The following TPD52 variants were observed in gnomAD, a reference collection of about 807,000 sequenced individuals.
TPD52 encodes the protein prostate and colon associated protein.
In TPD52, 17 loss-of-function variants were observed where a neutral mutation model predicts 31.3. That is an observed-to-expected ratio of 0.54 (90% CI 0.37 to 0.82). The LOEUF is 0.82. Among genes scored for constraint, TPD52 ranks in the 40% least tolerant of loss-of-function variants. The pLI is 0.00. For missense variants in TPD52, 212 were observed against 240.1 expected, an observed-to-expected ratio of 0.88 and a Z score of 0.77; for synonymous variants, 83 against 89.6, an observed-to-expected ratio of 0.93 and a Z score of 0.42.
chr8:80,092,529 T>C (rs1047640549), intron 1 of TPD52, among the ~76,000 whole-genome samples: 2 of 152,186 alleles, frequency 1.3e-5, no homozygotes, highest in Non-Finnish European at 2.9e-5. Flanking sequence ...CAACCTATAT[T>C]CATTAATAGT....
chr8:80,117,379 A>C (rs1807936560), intron 1 of TPD52, among the ~76,000 whole-genome samples: 1 of 152,258 alleles, frequency 6.6e-6, no homozygotes, highest in Non-Finnish European at 1.5e-5. Context: ...AAATTAAGAC[A>C]AAATTGTATT....
chr8:80,037,320 C>T lies in TPD52; in HGVS notation c.*796G>A, dbSNP rs1343137427. On this transcript the variant is annotated 3_prime_UTR_variant, in exon 8 of 8. Transcript: ENST00000518937. Reference sequence around the variant, plus strand: ...ATGACAGTGTTCATAGTTCAACCTACTGAACATACAGTGTGCTTGATTCAG... The same window carrying T: ...ATGACAGTGTTCATAGTTCAACCTATTGAACATACAGTGTGCTTGATTCAG... 1.3e-5 allele frequency: 2 copies of T among 152,302 alleles called. No homozygotes were observed. Among genetic ancestry groups the T allele is most frequent in the Non-Finnish European group, 2.9e-5 (2 of 68,014 alleles). The allele number at this position is 152,302 out of a possible 1,614,324, so 9.4% of individuals were successfully genotyped here. A position where few individuals can be genotyped will look rare whatever the true frequency, so the allele number is the denominator to read the frequency against.
intron 1 of TPD52, among the ~76,000 whole-genome samples, chr8:80,124,112 C>T (rs774452120): frequency 3.3e-5 from 5 of 151,192 alleles, no homozygotes; most frequent in Non-Finnish European, 7.4e-5. Context: ...TTAGGCAATA[C>T]TAGAGAGGGA....
chr8:80,070,210 C>T (rs1226027164), intron 1 of TPD52, among the ~76,000 whole-genome samples: 1 of 151,962 alleles, frequency 6.6e-6, no homozygotes, highest in African/African-American at 2.4e-5. Context: ...CCCCAACCCC[C>T]CTTTGGAGCA....
intron 1 of TPD52, among the ~76,000 whole-genome samples, chr8:80,112,344 C>T (rs2130985724): frequency 6.6e-6 from 1 of 152,246 alleles, no homozygotes; most frequent in East Asian, 1.9e-4. Flanking sequence ...GTATCTTGCT[C>T]GAGACCACCC....
intron 1 of TPD52, among the ~76,000 whole-genome samples, chr8:80,154,731 ACACACACACACACACACAC>A (rs1810815426): frequency 6.7e-5 from 10 of 149,684 alleles, no homozygotes; most frequent in African/African-American, 2.2e-4. Context: ...ACACACACAC[ACACACACACACACACACAC>A]ACAAAACACC....
At chr8:80,048,406 C>T (rs1047151578) in intron 5 of TPD52, among the ~76,000 whole-genome samples, 2 of 152,158 alleles carry the variant, frequency 1.3e-5, no homozygotes, top group Non-Finnish European at 2.9e-5. Context: ...GTAAAATCAC[C>T]GGCATAAGTT....
At chr8:80,157,035 T>C (rs895101193) in intron 1 of TPD52, among the ~76,000 whole-genome samples, 3 of 152,150 alleles carry the variant, frequency 2.0e-5, no homozygotes, top group African/African-American at 7.2e-5. Flanking sequence ...ATACCAAGTC[T>C]AACCAGTGAT....
chr8:80,083,459 G>A (rs1367268461), intron 1 of TPD52, among the ~76,000 whole-genome samples: 2 of 152,084 alleles, frequency 1.3e-5, no homozygotes, highest in African/African-American at 4.8e-5. Context: ...TCATGGGGGC[G>A]GTTCCCCCAT....
At chr8:80,165,952 T>A (rs1811683617) in intron 1 of TPD52, among the ~76,000 whole-genome samples, 1 of 152,162 alleles carries the variant, frequency 6.6e-6, no homozygotes, top group Non-Finnish European at 1.5e-5. Context: ...AGGGAACAAG[T>A]TAAATATTGT....
intron 1 of TPD52, among the ~76,000 whole-genome samples, chr8:80,103,683 A>T (rs1254050104): frequency 2.0e-5 from 3 of 152,204 alleles, no homozygotes; most frequent in African/African-American, 7.2e-5. Flanking sequence ...AGATACGTGC[A>T]TTCTAACACT....
intron 6 of TPD52, 135 bp from the exon 7 acceptor site, chr8:80,042,803 G>GTACC: frequency 2.9e-6 from 2 of 688,756 alleles, no homozygotes; most frequent in Non-Finnish European, 4.7e-6. Flanking sequence ...TACCATATAT[G>GTACC]TGCAGGTACA....
intron 1 of TPD52, chr8:80,171,003 G>T (rs549918771): frequency 2.4e-6 from 1 of 416,834 alleles, no homozygotes; most frequent in Admixed American, 3.6e-5. Context: ...ATTTATGAGG[G>T]AGAGAGGGGT....
chr8:80,167,959 G>C (rs752298816), intron 1 of TPD52, among the ~76,000 whole-genome samples: 1 of 152,220 alleles, frequency 6.6e-6, no homozygotes, highest in African/African-American at 2.4e-5. Flanking sequence ...ATAAAAGGTA[G>C]TCAGGAGGGT....
At chr8:80,051,046 AG>A (rs1175577950) in intron 4 of TPD52, among the ~76,000 whole-genome samples, 1 of 152,092 alleles carries the variant, frequency 6.6e-6, no homozygotes, top group Non-Finnish European at 1.5e-5. Flanking sequence ...TTTTGGCCTA[AG>A]CATGAACATA....
At chr8:80,166,369 A>G (rs912472934) in intron 1 of TPD52, among the ~76,000 whole-genome samples, 1 of 151,786 alleles carries the variant, frequency 6.6e-6, no homozygotes, top group Admixed American at 6.5e-5. Flanking sequence ...AGTAGCTGGG[A>G]TTACAGGCAT....
chr8:80,165,368 G>A (rs939706745), intron 1 of TPD52, among the ~76,000 whole-genome samples: 2 of 152,148 alleles, frequency 1.3e-5, no homozygotes, highest in African/African-American at 4.8e-5. Flanking sequence ...GCATTTTTAT[G>A]GAATGACTTG....
intron 1 of TPD52, among the ~76,000 whole-genome samples, chr8:80,117,265 A>T (rs892613244): frequency 6.6e-6 from 1 of 152,306 alleles, no homozygotes; most frequent in African/African-American, 2.4e-5. Flanking sequence ...CCATTAAAAA[A>T]CTATTAGAAC....
intron 1 of TPD52, among the ~76,000 whole-genome samples, chr8:80,072,800 T>C (rs181166265): frequency 0.053 from 7,488 of 140,536 alleles, 298 homozygotes; most frequent in Non-Finnish European, 0.073. Flanking sequence ...CACACACACA[T>C]ATATATATAT....
Sources: allele counts gnomAD v4.1 joint callset (sites outside exome capture counted in the v4.1 genomes callset), GRCh38; gene constraint gnomAD v4.1.1; transcripts MANE v1.5; gene names NCBI Gene and HGNC (gene_info 2026-07-23, HGNC 2026-07-21).